LOXL2: variants seen among roughly 807,000 people sequenced by gnomAD.
LOXL2 encodes the protein lysyl oxidase homolog 2.
Under a neutral mutation model 93.0 loss-of-function variants are expected in LOXL2, and 70 were observed. The observed-to-expected ratio is 0.75, with a 90% CI of 0.62 to 0.92. The LOEUF is 0.92. Ranked by LOEUF, LOXL2 falls within the 40% of genes least tolerant of loss-of-function variation. The pLI is 0.00. For synonymous variants in LOXL2, 438 were observed against 413.2 expected (o/e 1.06, Z -0.73); for missense variants, 973 against 1,054.9 (o/e 0.92, Z 1.08).
chr8:23,379,920 A>G (rs2117224696), intron 1 of LOXL2, among the ~76,000 whole-genome samples: 1 of 152,212 alleles, frequency 6.6e-6, no homozygotes, highest in East Asian at 1.9e-4. Flanking sequence ...GCTTCGGCTC[A>G]CACTCTGCGG....
chr8:23,361,012 TGCCTCA>T (rs1380429090), intron 2 of LOXL2, among the ~76,000 whole-genome samples: 1 of 151,886 alleles, frequency 6.6e-6, no homozygotes, highest in Non-Finnish European at 1.5e-5. Flanking sequence ...GTGATTCCCC[TGCCTCA>T]GCCTCCCAAG....
chr8:23,301,929 C>T, intron 12 of LOXL2, 98 bp downstream of exon 12: 1 of 1,476,454 alleles, frequency 6.8e-7, no homozygotes, highest in Non-Finnish European at 9.3e-7. Context: ...GACAGCCTGA[C>T]TTCCATGCCC....
intron 3 of LOXL2, among the ~76,000 whole-genome samples, chr8:23,348,173 G>T (rs191650105): frequency 6.7e-6 from 1 of 149,442 alleles, no homozygotes; most frequent in African/African-American, 2.5e-5. Flanking sequence ...ACCAAACACC[G>T]CATGTTCTCA....
In LOXL2 at chr8:23,341,532, CTGCACAGGCCTCGAAATAAA is replaced by C. The variant is rs1285175104; in HGVS notation, c.532-349_532-330del. ...GAGAGCAAAGGGCAGCAGCCTCCTC[CTGCACAGGCCTCGAAATAAA>C]TGCACAGGAGAGAAAGTGTTCTTTG... is the stretch of plus-strand genomic sequence containing the variant. On this transcript the variant is annotated intron_variant, in intron 3 of 13. Coordinates refer to ENST00000389131, the MANE Select transcript of LOXL2 (RefSeq NM_002318.3). 2.2e-4 allele frequency: 91 copies of C among 413,190 alleles called. No homozygotes were observed. In the East Asian group the frequency reaches 4.6e-3, roughly 21 times the overall value. 25.6% of individuals were successfully genotyped at this position (413,190 alleles called of 1,614,324 possible). A position where few individuals can be genotyped will look rare whatever the true frequency, so the allele number is the denominator to read the frequency against.
chr8:23,395,819 G>A (rs1051268195), intron 1 of LOXL2, among the ~76,000 whole-genome samples: 35 of 152,034 alleles, frequency 2.3e-4, no homozygotes, highest in African/African-American at 7.7e-4. Context: ...GATTACAGGC[G>A]TGCACCACCA....
chr8:23,359,228 G>A (rs1452655907), intron 3 of LOXL2, among the ~76,000 whole-genome samples: 1 of 152,130 alleles, frequency 6.6e-6, no homozygotes, highest in Non-Finnish European at 1.5e-5. Flanking sequence ...GATGGCCCCA[G>A]CAACCCTACC....
chr8:23,402,326 C>T (rs797004258), intron 1 of LOXL2, among the ~76,000 whole-genome samples: 9 of 152,282 alleles, frequency 5.9e-5, no homozygotes, highest in South Asian at 2.1e-4. Flanking sequence ...CACAAACGTG[C>T]GCGCGTGCAC....
chr8:23,369,078 G>A (rs1804458802), intron 1 of LOXL2, among the ~76,000 whole-genome samples: 1 of 152,210 alleles, frequency 6.6e-6, no homozygotes, highest in Non-Finnish European at 1.5e-5. Context: ...ATGGGGGCCG[G>A]TGGAGAAGGA....
intron 9 of LOXL2, among the ~76,000 whole-genome samples, chr8:23,311,554 G>A (rs550310554): frequency 1.3e-5 from 2 of 152,218 alleles, no homozygotes; most frequent in Non-Finnish European, 2.9e-5. Context: ...CAAGGCGAGG[G>A]ATCGTTAATG....
rs201186335 is a variant in LOXL2 at position 23,319,873 on chromosome 8, G to C, written c.1470+12C>G. The C allele has an allele frequency of 3.1e-5, 50 of 1,611,456 alleles. No individual in the cohort carries two copies. Among genetic ancestry groups the C allele is most frequent in the Non-Finnish European group, 3.8e-5 (45 of 1,179,398 alleles). On this transcript the variant is annotated intron_variant, in intron 8 of 13. Transcript: ENST00000389131. ...GGGGGTGAATGCGGGGTCTGAGGCCGGGGCTTCTCACCTGGAAGGCGTTGC... is the reference window on the plus strand; with the variant it reads ...GGGGGTGAATGCGGGGTCTGAGGCCCGGGCTTCTCACCTGGAAGGCGTTGC...
chr8:23,385,760 A>G (rs1356920132), intron 1 of LOXL2: 2 of 582,436 alleles, frequency 3.4e-6, no homozygotes, highest in Admixed American at 3.0e-5. Flanking sequence ...CCACTTTCCA[A>G]AAGTAGAATA....
At chr8:23,366,546 G>A (rs1203959510) in intron 2 of LOXL2, among the ~76,000 whole-genome samples, 2 of 152,358 alleles carry the variant, frequency 1.3e-5, no homozygotes, top group South Asian at 2.1e-4. Flanking sequence ...AAGAGACAGA[G>A]TCCTGGGCTC....
rs866453451 is a variant in LOXL2 at position 23,300,139 on chromosome 8, C to T, written c.2134-1192G>A. ...CAGGCCTAGGCAGCTCCTTGGCCGC[C>T]CAGGCGTCTCGACAGTGCAGCCGTG... On this transcript the variant is annotated intron_variant, in intron 12 of 13. Transcript: ENST00000389131. Among the ~76,000 whole-genome samples the T allele has an allele frequency of 9.2e-5, 14 of 152,378 alleles. No homozygotes were observed. The South Asian group carries it at 1.7e-3, about 18-fold the overall frequency.
rs1290515743 is a variant in LOXL2 at position 23,403,969 on chromosome 8, C to T, written c.-99G>A. ...GCGCTCTTACTTGGTTTCAGGGATC[C>T]GCAGTGGCCGGGCTGGGACCGCGCT... On this transcript the variant is annotated 5_prime_UTR_variant, in exon 1 of 14. Transcript: ENST00000389131. The T allele has an allele frequency of 6.0e-6, 1 of 165,316 alleles. No homozygotes were observed. The highest frequency in any genetic ancestry group is 6.5e-5 in the Admixed American group (1 of 15,328). 10.2% of individuals were successfully genotyped at this position (165,316 alleles called of 1,614,324 possible). A position where few individuals can be genotyped will look rare whatever the true frequency, so the allele number is the denominator to read the frequency against.
rs1238828070 is a variant in LOXL2 at position 23,360,101 on chromosome 8, T to C, written c.520A>G (p.Asn174Asp). The C allele has an allele frequency of 6.2e-7, 1 of 1,603,220 alleles. No homozygotes were observed. The highest frequency in any genetic ancestry group is 8.5e-7 in the Non-Finnish European group (1 of 1,170,636). ...PGFKFDNSLI[N>D]QIENLNIQVE... ...AGCACATGACTTGCCTCTATCTGGT[T>C]GATCAACGAATTGTCAAATTTGAAC... Residue 174 changes from asparagine to aspartate, a missense_variant, in exon 3 of 14, where the codon AAC becomes GAC. Asn to Asp is a conservative substitution (Grantham distance 23). Transcript: ENST00000389131.
At chr8:23,382,695 T>G (rs1459699794) in intron 1 of LOXL2, among the ~76,000 whole-genome samples, 1 of 152,126 alleles carries the variant, frequency 6.6e-6, no homozygotes, top group Non-Finnish European at 1.5e-5. Flanking sequence ...TGGGCTAAAC[T>G]GTGTCTTTCT....
At chr8:23,375,513 T>C (rs546418036) in intron 1 of LOXL2, among the ~76,000 whole-genome samples, 3 of 152,230 alleles carry the variant, frequency 2.0e-5, no homozygotes, top group Admixed American at 6.5e-5. Context: ...GGGGATGGCA[T>C]TGAATCTATA....
intron 5 of LOXL2, chr8:23,332,103 G>A (rs2117170446): frequency 6.6e-6 from 1 of 150,896 alleles, no homozygotes; most frequent in African/African-American, 2.4e-5. Flanking sequence ...CCATTGAAAT[G>A]GGGCTGTTAC....
chr8:23,318,277 G>A (rs3905350), intron 8 of LOXL2, among the ~76,000 whole-genome samples: 84,361 of 151,794 alleles, frequency 0.56, 25,796 homozygotes, highest in Non-Finnish European at 0.69. Flanking sequence ...GCTTCCAGCC[G>A]GCTGGTCTAC....
Sources: gnomAD v4.1 joint callset for allele counts (sites outside exome capture counted in the v4.1 genomes callset) on GRCh38, gnomAD v4.1.1 for gene constraint, MANE v1.5 for transcripts, NCBI Gene and HGNC (gene_info 2026-07-23, HGNC 2026-07-21) for gene names.